The following ANKRD26 variants were observed in gnomAD, a reference collection of about 807,000 sequenced individuals.
ANKRD26 encodes ankyrin repeat domain 26, also known as ankyrin repeat domain-containing protein 26.
In ANKRD26, 141 loss-of-function variants were observed where a neutral mutation model predicts 208.7. That is an observed-to-expected ratio of 0.68 (90% CI 0.59 to 0.78). The LOEUF (loss-of-function observed/expected upper bound fraction) is 0.78. ANKRD26 is among the 30% of genes least tolerant of loss of function. ANKRD26 has a pLI of 0.00. For synonymous variants in ANKRD26, 636 were observed against 660.4 expected, an observed-to-expected ratio of 0.96 and a Z score of 0.57; for missense variants, 1,889 against 1,938.7, an observed-to-expected ratio of 0.97 and a Z score of 0.48.
rs926937632 is a variant in ANKRD26, at chr10:27,028,952, T to C, written c.3879-7A>G. ...GGCATTATCTTTTTCAAGCCTGAAA[T>C]GTATATTTTAAAATAATTATTCTCA... On this transcript the variant is annotated splice_region_variant and splice_polypyrimidine_tract_variant and intron_variant, in intron 26 of 33. Transcript: ENST00000376087. The C allele has an allele frequency of 2.5e-6, 4 of 1,593,664 alleles. No homozygotes were observed. The highest frequency in any genetic ancestry group is 3.4e-6 in the Non-Finnish European group (4 of 1,164,734).
At chr10:26,975,284 G>C (rs1024464284) in exon 6 of ANKRD26, among the ~76,000 whole-genome samples, 1 of 151,956 alleles carries the variant, frequency 6.6e-6, no homozygotes, top group African/African-American at 2.4e-5. Context: ...ACTGAAGTAT[G>C]GTGGTGTGAT....
intron 27 of ANKRD26, 59 bp downstream of exon 27, chr10:27,028,793 G>T: frequency 7.3e-7 from 1 of 1,365,120 alleles, no homozygotes; most frequent in Non-Finnish European, 1.0e-6. Context: ...TACTCAACTT[G>T]TCCTACTAAA....
chr10:27,047,728 A>C (rs199734272), intron 17 of ANKRD26, among the ~76,000 whole-genome samples: 4,795 of 139,302 alleles, frequency 0.034, 232 homozygotes, highest in East Asian at 0.21. Context: ...ACTACTAATA[A>C]TAATAATAAT....
chr10:27,086,590 CTGAAATTAGTTGGTGACTGCTA>C lies in ANKRD26; in HGVS notation c.639-3_657del. 1 of 1,604,082 alleles carries C rather than the reference CTGAAATTAGTTGGTGACTGCTA, an allele frequency of 6.2e-7. No individual in the cohort carries two copies. Among genetic ancestry groups the C allele is most frequent in the Non-Finnish European group, 8.5e-7 (1 of 1,174,174 alleles). On this transcript the variant is annotated splice_acceptor_variant and splice_polypyrimidine_tract_variant and coding_sequence_variant and intron_variant, in exon 5 of 34. Coordinates refer to ENST00000376087, the MANE Select transcript of ANKRD26 (RefSeq NM_014915.3). LOFTEE classifies it high-confidence loss of function. ...TTAGGTATCCTTTCTTCTTTATATT[CTGAAATTAGTTGGTGACTGCTA>C]TGTATAGAAAAATGTAACAAAATTA... is the stretch of plus-strand genomic sequence containing the variant.
the ANKRD26 span, among the ~76,000 whole-genome samples, chr10:26,957,912 T>A: frequency 6.6e-6 from 1 of 152,102 alleles, no homozygotes; most frequent in Non-Finnish European, 1.5e-5. Context: ...TACAAGCCAT[T>A]AGGAGGACTT....
chr10:26,981,070 G>T (rs1438043940), intron 4 of ANKRD26, among the ~76,000 whole-genome samples: 1 of 152,058 alleles, frequency 6.6e-6, no homozygotes, highest in Non-Finnish European at 1.5e-5. Flanking sequence ...TAGTTCCCAG[G>T]TACACTAATT....
At chr10:27,003,275 T>A (rs1564344645), downstream of ANKRD26, among the ~76,000 whole-genome samples, 8 of 152,176 alleles carry the variant, frequency 5.3e-5, no homozygotes. Context: ...CAGCTTGAAA[T>A]GGCTACTACT....
chr10:27,090,021 TAAC>T (rs1215094978), intron 4 of ANKRD26, among the ~76,000 whole-genome samples: 1 of 152,170 alleles, frequency 6.6e-6, no homozygotes, highest in Non-Finnish European at 1.5e-5. Context: ...ACTAAACCAC[TAAC>T]AACAGCATAT....
chr10:27,045,805 T>C (rs894025183), intron 18 of ANKRD26, among the ~76,000 whole-genome samples: 11 of 148,854 alleles, frequency 7.4e-5, no homozygotes, highest in Non-Finnish European at 1.3e-4. Context: ...AAGATCATCA[T>C]TGACACATTC....
At chr10:27,006,434 G>A (rs577712595) in intron 33 of ANKRD26, among the ~76,000 whole-genome samples, 1 of 152,286 alleles carries the variant, frequency 6.6e-6, no homozygotes, top group East Asian at 1.9e-4. Context: ...AGGGCAAAGG[G>A]AAACCAATGA....
chr10:27,052,602 A>C (rs2054700184), intron 16 of ANKRD26, among the ~76,000 whole-genome samples: 1 of 152,154 alleles, frequency 6.6e-6, no homozygotes, highest in African/African-American at 2.4e-5. Context: ...GGTGTTATGC[A>C]TCTGTATAAA....
At chr10:26,962,610 T>C in the ANKRD26 span, among the ~76,000 whole-genome samples, 1 of 151,896 alleles carries the variant, frequency 6.6e-6, no homozygotes, top group African/African-American at 2.4e-5. Context: ...TAGCCAGGCA[T>C]GGTGGCACAC....
Position 27,035,098 on chromosome 10 carries a change from C to T in ANKRD26, c.3352G>A (p.Glu1118Lys). 6.2e-7 allele frequency: 1 copy of T among 1,612,624 alleles called. No individual in the cohort carries two copies. Among genetic ancestry groups the T allele is most frequent in the Non-Finnish European group, 8.5e-7 (1 of 1,179,260 alleles). ...ATGTATTTATTCACTTTAACTTGTT[C>T]ATTTTGATACTTTTGTTCCATTTCC... ...MKEMEQKYQN[E>K]QVKVNKYIGK... Residue 1118 changes from glutamate (E) to lysine (K), a missense_variant, in exon 24 of 34, where the codon GAA becomes AAA. Transcript: ENST00000376087.
intron 12 of ANKRD26, chr10:27,062,225 C>T (rs2055083145): frequency 1.0e-6 from 1 of 976,078 alleles, no homozygotes; most frequent in Non-Finnish European, 1.2e-6. Flanking sequence ...TATCTTATAT[C>T]TACAATTTCT....
chr10:26,974,049 G>T (rs2052188414), exon 6 of ANKRD26, among the ~76,000 whole-genome samples: 1 of 151,630 alleles, frequency 6.6e-6, no homozygotes, highest in Non-Finnish European at 1.5e-5. Context: ...ATTTCTATTG[G>T]TATGAATGTT....
At chr10:27,049,752 A>T (rs2054582633) in intron 16 of ANKRD26, among the ~76,000 whole-genome samples, 1 of 152,204 alleles carries the variant, frequency 6.6e-6, no homozygotes, top group African/African-American at 2.4e-5. Flanking sequence ...CAGAGCTCCT[A>T]AAGTGGCATT....
intron 4 of ANKRD26, among the ~76,000 whole-genome samples, 179 bp downstream of exon 4, chr10:27,092,227 T>C (rs1001595369): frequency 1.3e-5 from 2 of 152,066 alleles, no homozygotes; most frequent in Non-Finnish European, 2.9e-5. Flanking sequence ...TATATCCCCA[T>C]AATTATGTTA....
chr10:26,985,222 T>G (rs966445355), intron 3 of ANKRD26, among the ~76,000 whole-genome samples: 2 of 152,120 alleles, frequency 1.3e-5, no homozygotes, highest in Non-Finnish European at 2.9e-5. Flanking sequence ...TGGAGGGGGT[T>G]TCCTGGGTTA....
chr10:27,065,759 T>C (rs1163854103), intron 11 of ANKRD26, among the ~76,000 whole-genome samples: 1 of 148,410 alleles, frequency 6.7e-6, no homozygotes, highest in Non-Finnish European at 1.5e-5. Flanking sequence ...AAAAACTACA[T>C]TCCAAACTGT....
Sources: gnomAD v4.1 joint callset for allele counts (sites outside exome capture counted in the v4.1 genomes callset) on GRCh38, gnomAD v4.1.1 for gene constraint, MANE v1.5 for transcripts, NCBI Gene and HGNC (gene_info 2026-07-23, HGNC 2026-07-21) for gene names.